Variants in ARIH2 observed in about 807,000 individuals in gnomAD.
The protein encoded by ARIH2 is ariadne RBR E3 ubiquitin protein ligase 2.
In ARIH2, 12 loss-of-function variants were observed where a neutral mutation model predicts 79.8. The observed-to-expected ratio is 0.15, with a 90% CI of 0.10 to 0.24. The LOEUF is 0.24. ARIH2 is among the 10% of genes least tolerant of loss of function. The pLI is 1.00. For synonymous variants in ARIH2, 224 were observed against 213.9 expected, an observed-to-expected ratio of 1.05 and a Z score of -0.41; for missense variants, 301 against 618.3, an observed-to-expected ratio of 0.49 and a Z score of 5.44.
intron 3 of ARIH2, among the ~76,000 whole-genome samples, chr3:48,952,203 A>G (rs1376560634): frequency 6.6e-6 from 1 of 152,200 alleles, no homozygotes; most frequent in Non-Finnish European, 1.5e-5. Context: ...GGGGTTCTAT[A>G]GAAGTATGTT....
rs150167117 is a variant in ARIH2 at position 48,981,701 on chromosome 3, C to T, written c.1299C>T (p.Tyr433=). The T allele has an allele frequency of 8.7e-5, 141 of 1,614,014 alleles. 1 individual carries two copies. The African/African-American group carries it at 1.6e-3, about 18-fold the overall frequency. ...TLQYTYPYAY[Y]MESGPRKKLF... ...AATACACCTACCCATATGCATATTA[C>T]ATGGAGTCCGGACCCAGGAAGAAGC... The change falls in exon 14 of 16, where the codon TAC becomes TAT. Residue 433 remains tyrosine, a synonymous_variant. Coordinates refer to ENST00000356401, the MANE Select transcript of ARIH2 (RefSeq NM_006321.4).
At chr3:48,961,070 G>A (rs920359814) in intron 3 of ARIH2, among the ~76,000 whole-genome samples, 2 of 152,144 alleles carry the variant, frequency 1.3e-5, no homozygotes, top group African/African-American at 4.8e-5. Flanking sequence ...CACAAATTTC[G>A]AAACTGTCCT....
At chr3:48,923,834 T>C (rs1276618276) in intron 2 of ARIH2, among the ~76,000 whole-genome samples, 1 of 152,102 alleles carries the variant, frequency 6.6e-6, no homozygotes, top group Admixed American at 6.6e-5. Flanking sequence ...ATTTTTATTA[T>C]ATAAAAATGT....
chr3:48,970,026 G>A (rs2092100912), intron 7 of ARIH2, among the ~76,000 whole-genome samples: 1 of 151,636 alleles, frequency 6.6e-6, no homozygotes, highest in Non-Finnish European at 1.5e-5. Flanking sequence ...GAGTAGCTGA[G>A]GTTACAAGCT....
At chr3:48,945,057 T>C in intron 3 of ARIH2, 1 of 1,213,346 alleles carries the variant, frequency 8.2e-7, no homozygotes, top group South Asian at 1.3e-5. Flanking sequence ...GACCCATTCA[T>C]GTAGCCTTAA....
chr3:48,948,968 T>C (rs542351810), intron 3 of ARIH2: 3 of 415,340 alleles, frequency 7.2e-6, no homozygotes, highest in Non-Finnish European at 9.9e-6. Context: ...TGAGGGACAT[T>C]GGGTTGTTTC....
chr3:48,976,550 T>C (rs1158938464), intron 11 of ARIH2, among the ~76,000 whole-genome samples: 1 of 152,134 alleles, frequency 6.6e-6, no homozygotes, highest in Non-Finnish European at 1.5e-5. Flanking sequence ...GCCAGGATCT[T>C]AGACAGCAAC....
At chr3:48,958,406 C>T (rs138061800) in intron 3 of ARIH2, among the ~76,000 whole-genome samples, 174 of 152,260 alleles carry the variant, frequency 1.1e-3, no homozygotes, top group African/African-American at 3.9e-3. Flanking sequence ...TGCATGACTT[C>T]ATCTCTATTT....
rs758360856 is a variant in ARIH2 at position 48,918,902 on chromosome 3, C to A, written c.-258C>A. On this transcript the variant is annotated 5_prime_UTR_variant, in exon 1 of 16. Transcript: ENST00000356401. Reference sequence around the variant, plus strand: ...GCGGGCTTGACCGGCGTCGGCCCGCCGCCTCCGCTGCCGCTTCGCCCCAAT... The same window carrying A: ...GCGGGCTTGACCGGCGTCGGCCCGCAGCCTCCGCTGCCGCTTCGCCCCAAT... The A allele has an allele frequency of 6.2e-7, 1 of 1,602,240 alleles. No homozygotes were observed. Among genetic ancestry groups the A allele is most frequent in the Non-Finnish European group, 8.5e-7 (1 of 1,177,348 alleles).
intron 3 of ARIH2, among the ~76,000 whole-genome samples, chr3:48,931,786 G>A (rs566587203): frequency 2.4e-4 from 36 of 152,194 alleles, no homozygotes; most frequent in African/African-American, 7.7e-4. Context: ...GGAGGCCAAG[G>A]CAGGTGGATC....
intron 11 of ARIH2, among the ~76,000 whole-genome samples, chr3:48,976,300 A>G (rs1367843549): frequency 6.9e-6 from 1 of 144,794 alleles, no homozygotes; most frequent in Non-Finnish European, 1.5e-5. Context: ...TGCAACATCT[A>G]CCTCCTGGGT....
At chr3:48,929,567 C>G (rs1228983036) in intron 3 of ARIH2, among the ~76,000 whole-genome samples, 1 of 152,048 alleles carries the variant, frequency 6.6e-6, no homozygotes, top group Non-Finnish European at 1.5e-5. Flanking sequence ...TGGTCTGTGT[C>G]CAAAGAATAC....
At chr3:48,948,655 T>C (rs2089548731) in intron 3 of ARIH2, among the ~76,000 whole-genome samples, 1 of 152,182 alleles carries the variant, frequency 6.6e-6, no homozygotes, top group African/African-American at 2.4e-5. Flanking sequence ...ATGTAGTCAT[T>C]ACCATAGTCC....
At chr3:48,956,671 TGTGTG>T (rs1251423922) in intron 3 of ARIH2, among the ~76,000 whole-genome samples, 65 of 284 alleles carry the variant, frequency 0.23, 1 homozygote, top group East Asian at 0.5. Flanking sequence ...ACAGCTGACG[TGTGTG>T]TGTGTGTGTG....
intron 11 of ARIH2, among the ~76,000 whole-genome samples, chr3:48,978,915 C>G (rs1223240666): frequency 6.6e-6 from 1 of 151,086 alleles, no homozygotes; most frequent in African/African-American, 2.4e-5. Context: ...AAGCCAAGAT[C>G]GCGCCACTGC....
At chr3:48,981,545 A>T in intron 13 of ARIH2, 115 bp from the exon 14 acceptor site, 1 of 723,676 alleles carries the variant, frequency 1.4e-6, no homozygotes, top group Non-Finnish European at 2.3e-6. Context: ...TTTCAGGCCT[A>T]TATCTATAGA....
chr3:48,981,331 C>CAA (rs36083806), intron 13 of ARIH2, among the ~76,000 whole-genome samples: 18 of 115,638 alleles, frequency 1.6e-4, no homozygotes, highest in Non-Finnish European at 3.7e-5. Context: ...AACCTTGTTT[C>CAA]AAAAAAAAAA....
rs1559826429 is a variant in ARIH2 at position 48,967,139 on chromosome 3, T to C, written c.402T>C (p.His134=). Residue 134 remains histidine (H), a synonymous_variant, in exon 6 of 16, where the codon CAT becomes CAC. Transcript: ENST00000356401. ...PNPSKHVPTS[H]PPHHCAVCMQ... The stretch of plus-strand genomic sequence containing the variant: ...TTTCTCTCCAGGTTCCCACATCCCA[T>C]CCCCCTCACCACTGTGCAGTGTGTA... 1.2e-6 allele frequency: 2 copies of C among 1,613,312 alleles called. No individual in the cohort carries two copies. The highest frequency in any genetic ancestry group is 1.7e-6 in the Non-Finnish European group (2 of 1,179,622).
At chr3:48,935,348 A>G (rs1316355807) in intron 3 of ARIH2, among the ~76,000 whole-genome samples, 2 of 152,122 alleles carry the variant, frequency 1.3e-5, no homozygotes, top group Non-Finnish European at 2.9e-5. Context: ...ACATTTCCCC[A>G]TTTTTACTTT....
Sources: gnomAD v4.1 joint callset for allele counts (sites outside exome capture counted in the v4.1 genomes callset) on GRCh38, gnomAD v4.1.1 for gene constraint, MANE v1.5 for transcripts, NCBI Gene and HGNC (gene_info 2026-07-23, HGNC 2026-07-21) for gene names.